TCF12: variants seen among roughly 807,000 people sequenced by gnomAD.
TCF12 encodes the protein DNA-binding protein HTF4.
TCF12 carries 45 observed loss-of-function variants against 86.0 expected under a neutral mutation model. The observed-to-expected ratio is 0.52, with a 90% CI of 0.41 to 0.67. The LOEUF is 0.67. Among genes scored for constraint, TCF12 ranks in the 30% least tolerant of loss-of-function variants. The pLI is 0.00. For missense variants in TCF12, 881 were observed against 859.9 expected (o/e 1.02, Z -0.31); for synonymous variants, 330 against 299.6 (o/e 1.10, Z -1.05).
At chr15:56,950,902 A>G (rs1406689692) in intron 3 of TCF12, among the ~76,000 whole-genome samples, 1 of 151,674 alleles carries the variant, frequency 6.6e-6, no homozygotes, top group Non-Finnish European at 1.5e-5. Flanking sequence ...GATTATAGGC[A>G]TGTACCACCA....
intron 3 of TCF12, among the ~76,000 whole-genome samples, chr15:56,959,937 C>G (rs926251925): frequency 6.6e-6 from 1 of 152,054 alleles, no homozygotes; most frequent in Non-Finnish European, 1.5e-5. Flanking sequence ...TTTTTGACAA[C>G]TTGAAAAAAA....
intron 5 of TCF12, among the ~76,000 whole-genome samples, chr15:57,117,203 C>T (rs1258034039): frequency 6.6e-6 from 1 of 152,018 alleles, no homozygotes; most frequent in South Asian, 2.1e-4. Context: ...CCATACCTGG[C>T]CTTTTTGTTT....
At chr15:57,012,526 A>T (rs1459728411) in intron 3 of TCF12, among the ~76,000 whole-genome samples, 2 of 152,236 alleles carry the variant, frequency 1.3e-5, no homozygotes, top group African/African-American at 4.8e-5. Flanking sequence ...ATTGGAATCC[A>T]TGGGATGCCT....
At chr15:57,014,891 T>TATTATC (rs1555477727) in intron 3 of TCF12, among the ~76,000 whole-genome samples, 1 of 148,154 alleles carries the variant, frequency 6.7e-6, no homozygotes, top group African/African-American at 2.5e-5. Flanking sequence ...TTATTATTAT[T>TATTATC]ATTGTTATTA....
intron 13 of TCF12, 26 bp downstream of exon 13, chr15:57,243,576 A>C (rs1182802906): frequency 6.4e-6 from 10 of 1,553,690 alleles, no homozygotes; most frequent in Non-Finnish European, 8.0e-6. Context: ...ATCTACTTCT[A>C]ACTGGTGGGA....
chr15:57,097,786 A>C (rs1443687762), intron 5 of TCF12, among the ~76,000 whole-genome samples: 1 of 152,092 alleles, frequency 6.6e-6, no homozygotes, highest in East Asian at 1.9e-4. Flanking sequence ...TGGCACCAAG[A>C]GAAACTTGAG....
rs558315354 is a variant in TCF12 at position 57,137,274 on chromosome 15, G to A, written c.326-29128G>A. 1.9e-4 allele frequency among the ~76,000 whole-genome samples: 29 copies of A among 152,242 alleles called. No individual in the cohort carries two copies. The South Asian group carries it at 5.4e-3, about 28-fold the overall frequency. On this transcript the variant is annotated intron_variant, in intron 5 of 20. Transcript: ENST00000333725. ...TGGGATTACAGGCGTGAGCCACCAC[G>A]CCCGGCCCTGGCAGTGTTTCTTAAT...
intron 3 of TCF12, among the ~76,000 whole-genome samples, chr15:56,943,223 A>G (rs1372468258): frequency 6.6e-6 from 1 of 152,158 alleles, no homozygotes; most frequent in Non-Finnish European, 1.5e-5. Flanking sequence ...GGGGATCACT[A>G]TGTGAAGGAC....
At position 57,208,380 on chromosome 15, in the gene TCF12, C is replaced by CTTTTTTTTTTTTTTTTT. The variant is rs1184422578; in HGVS notation, c.579+10558_579+10574dup. Among the ~76,000 whole-genome samples the CTTTTTTTTTTTTTTTTT allele has an allele frequency of 7.8e-4, 51 of 65,588 alleles. 6 individuals are homozygous for CTTTTTTTTTTTTTTTTT. The highest frequency in any genetic ancestry group is 2.6e-3 in the African/African-American group (39 of 14,844). 43.0% of individuals were successfully genotyped at this position (65,588 alleles called of 152,430 possible). On this transcript the variant is annotated intron_variant, in intron 8 of 20. Coordinates refer to ENST00000333725, the MANE Select transcript of TCF12 (RefSeq NM_207037.2). ...ACCTTGTTCTTTGGACAAAAATATC[C>CTTTTTTTTTTTTTTTTT]TTTTTTTTTTTTTTTTTTTGGAGAC...
intron 3 of TCF12, among the ~76,000 whole-genome samples, chr15:57,035,738 C>G (rs571537016): frequency 1.3e-5 from 2 of 152,226 alleles, no homozygotes; most frequent in South Asian, 4.2e-4. Flanking sequence ...TTAGAAGACT[C>G]TTAACTGAGG....
chr15:57,108,453 A>G (rs566322734), intron 5 of TCF12, among the ~76,000 whole-genome samples: 9 of 152,250 alleles, frequency 5.9e-5, no homozygotes, highest in East Asian at 3.9e-4. Context: ...TATAATGTCA[A>G]TCAAATCTGA....
In TCF12 at chr15:56,938,022, T is replaced by G. The variant is rs1280152552; in HGVS notation, c.148+16924T>G. ...ATTGGTCTGTAGTTTGCTTTTTTTTTCTTTTTTTTTTTCGTTTCTTTTCTT... is the reference window on the plus strand; with the variant it reads ...ATTGGTCTGTAGTTTGCTTTTTTTTGCTTTTTTTTTTTCGTTTCTTTTCTT... On this transcript the variant is annotated intron_variant, in intron 3 of 20. Coordinates refer to ENST00000333725, the MANE Select transcript of TCF12 (RefSeq NM_207037.2). Among the ~76,000 whole-genome samples, 12 of 148,378 alleles carry G rather than the reference T, an allele frequency of 8.1e-5. No individual in the cohort carries two copies. The East Asian group carries it at 2.0e-3, about 24-fold the overall frequency.
At chr15:56,992,662 T>C (rs2063511157) in intron 3 of TCF12, among the ~76,000 whole-genome samples, 1 of 152,160 alleles carries the variant, frequency 6.6e-6, no homozygotes, top group Admixed American at 6.5e-5. Flanking sequence ...CACTACAAAA[T>C]TTTGAGGACC....
chr15:57,176,930 G>T (rs1242159890), intron 6 of TCF12, among the ~76,000 whole-genome samples: 1 of 152,170 alleles, frequency 6.6e-6, no homozygotes, highest in Non-Finnish European at 1.5e-5. Flanking sequence ...TCCTCCTTTG[G>T]GGAGTAGATT....
intron 19 of TCF12, among the ~76,000 whole-genome samples, chr15:57,276,373 A>G (rs1214551201): frequency 2.0e-5 from 3 of 152,220 alleles, no homozygotes; most frequent in Admixed American, 2.0e-4. Flanking sequence ...CTACATCCCC[A>G]CTAAAATAAA....
chr15:56,918,527 C>T (rs917334601), upstream of TCF12: 8 of 299,250 alleles, frequency 2.7e-5, no homozygotes, highest in Admixed American at 1.9e-4. Context: ...CGGCTCCTCC[C>T]AGTCCCCGAC....
At chr15:57,167,694 AT>A (rs1419357703) in intron 6 of TCF12, among the ~76,000 whole-genome samples, 3 of 152,166 alleles carry the variant, frequency 2.0e-5, no homozygotes, top group African/African-American at 7.2e-5. Context: ...GCAAATAGGC[AT>A]GGTCTGAATA....
At chr15:57,278,595 C>T in intron 19 of TCF12, 1 of 210,278 alleles carries the variant, frequency 4.8e-6, no homozygotes, top group Admixed American at 4.2e-5. Flanking sequence ...GTGCTGAGGT[C>T]ATAACAAGGT....
At chr15:57,269,903 G>T (rs766904690) in intron 18 of TCF12, among the ~76,000 whole-genome samples, 2 of 152,294 alleles carry the variant, frequency 1.3e-5, no homozygotes, top group East Asian at 3.9e-4. Flanking sequence ...CTTCTGGCTT[G>T]TAGGGTTTCT....
Sources: gnomAD v4.1 joint callset for allele counts (sites outside exome capture counted in the v4.1 genomes callset) on GRCh38, gnomAD v4.1.1 for gene constraint, MANE v1.5 for transcripts, NCBI Gene and HGNC (gene_info 2026-07-23, HGNC 2026-07-21) for gene names.